Variants in ATP9B observed in about 807,000 individuals in gnomAD.
ATP9B encodes the protein probable phospholipid-transporting ATPase IIB.
ATP9B carries 110 observed loss-of-function variants against 146.1 expected under a neutral mutation model. The observed-to-expected ratio is 0.75, with a 90% CI of 0.65 to 0.88. The LOEUF (loss-of-function observed/expected upper bound fraction) is 0.88. Among genes scored for constraint, ATP9B ranks in the 40% least tolerant of loss-of-function variants. The pLI is 0.00. For missense variants in ATP9B, 1,499 were observed against 1,496.4 expected, an observed-to-expected ratio of 1.00 and a Z score of -0.03; for synonymous variants, 604 against 569.7, an observed-to-expected ratio of 1.06 and a Z score of -0.86.
intron 11 of ATP9B, among the ~76,000 whole-genome samples, chr18:79,215,792 C>T (rs1446384533): frequency 1.3e-5 from 2 of 152,036 alleles, no homozygotes; most frequent in African/African-American, 4.8e-5. Context: ...TGGGTTCAAG[C>T]GATTCTCCTG....
intron 15 of ATP9B, among the ~76,000 whole-genome samples, chr18:79,308,342 G>A (rs1371304421): frequency 2.0e-5 from 3 of 152,094 alleles, no homozygotes; most frequent in Admixed American, 6.6e-5. Context: ...ACAAAGACCC[G>A]TATGTTAATG....
intron 15 of ATP9B, among the ~76,000 whole-genome samples, chr18:79,322,861 A>G (rs1345210954): frequency 6.6e-6 from 1 of 152,230 alleles, no homozygotes; most frequent in Non-Finnish European, 1.5e-5. Context: ...AAAGTTAAAT[A>G]TGGTACTTCA....
chr18:79,120,418 G>T (rs2094168186), intron 4 of ATP9B, among the ~76,000 whole-genome samples: 1 of 152,112 alleles, frequency 6.6e-6, no homozygotes, highest in South Asian at 2.1e-4. Flanking sequence ...AGATGTTTTT[G>T]AAAACAATGA....
chr18:79,377,247 A>C lies in ATP9B; in HGVS notation c.3308A>C (p.Asp1103Ala). 2 of 1,611,420 alleles carry C rather than the reference A, an allele frequency of 1.2e-6. No individual in the cohort carries two copies. The highest frequency in any genetic ancestry group is 1.7e-6 in the Non-Finnish European group (2 of 1,179,946). Reference sequence around the variant, plus strand: ...CTTTTTCTCTGTTTCCTGCCAACAGATGTTGCCTTTATCACCACCGTGACC... The same window carrying C: ...CTTTTTCTCTGTTTCCTGCCAACAGCTGTTGCCTTTATCACCACCGTGACC... ...IGRVSFGAFL[D>A]VAFITTVTFL... is the part of the protein sequence containing the mutation. Residue 1103 changes from aspartate (D) to alanine (A), a missense_variant and splice_region_variant, in exon 30 of 30, where the codon GAT (aspartate) becomes GCT (alanine). Transcript: ENST00000426216.
intron 13 of ATP9B, among the ~76,000 whole-genome samples, chr18:79,284,239 G>A (rs902851515): frequency 7.9e-5 from 12 of 152,212 alleles, no homozygotes; most frequent in African/African-American, 2.7e-4. Context: ...AGTCTCTTAT[G>A]CATGATGCTA....
intron 8 of ATP9B, among the ~76,000 whole-genome samples, chr18:79,179,399 A>T (rs2095222654): frequency 6.6e-6 from 1 of 152,240 alleles, no homozygotes; most frequent in African/African-American, 2.4e-5. Context: ...TTCTATTTAT[A>T]AACTTTCAGA....
rs796377744 is a variant in ATP9B at position 79,207,141 on chromosome 18, C to G, written c.1030+129C>G. 4.9e-6 allele frequency: 4 copies of G among 818,884 alleles called. No individual in the cohort carries two copies. The African/African-American group carries it at 5.1e-5, about 10-fold the overall frequency. 50.7% of individuals were successfully genotyped at this position (818,884 alleles called of 1,614,324 possible). A position where few individuals can be genotyped will look rare whatever the true frequency, so the allele number is the denominator to read the frequency against. On this transcript the variant is annotated intron_variant, in intron 10 of 29. Transcript: ENST00000426216. The stretch of plus-strand genomic sequence containing the variant: ...TTAGGGACCTTGCTAAACGCAGACT[C>G]CAGCTCAGTGGGTCTGAGACAGTCC...
At chr18:79,125,664 A>G (rs182534620) in intron 4 of ATP9B, among the ~76,000 whole-genome samples, 98 of 152,334 alleles carry the variant, frequency 6.4e-4, no homozygotes, top group African/African-American at 2.3e-3. Context: ...TTAGTGGTAT[A>G]ATGGGCTTCA....
rs547298905 is a variant in ATP9B, at chr18:79,267,041, A to G, written c.1269-10013A>G. On this transcript the variant is annotated intron_variant, in intron 12 of 29. Coordinates refer to ENST00000426216, the MANE Select transcript of ATP9B (RefSeq NM_198531.5). The stretch of plus-strand genomic sequence containing the variant: ...AATTGTTTATTTCCTGAACATTTAC[A>G]TAAGAAGAAGGCCATGTGAGCCTCA... Among the ~76,000 whole-genome samples, 11 of 152,198 alleles carry G rather than the reference A, an allele frequency of 7.2e-5. No individual in the cohort carries two copies. In the South Asian group the frequency reaches 1.9e-3, roughly 26 times the overall value.
intron 5 of ATP9B, among the ~76,000 whole-genome samples, chr18:79,135,623 C>T (rs143967278): frequency 6.6e-6 from 1 of 152,302 alleles, no homozygotes; most frequent in African/African-American, 2.4e-5. Flanking sequence ...TTCTACCATT[C>T]CTAGCCCCTT....
chr18:79,176,746 C>A, intron 7 of ATP9B, 67 bp from the exon 8 acceptor site: 2 of 1,312,336 alleles, frequency 1.5e-6, no homozygotes, highest in Non-Finnish European at 2.2e-6. Context: ...TTTGATGGCA[C>A]CTGTAGCTCA....
At chr18:79,310,055 T>C (rs960735846) in intron 15 of ATP9B, among the ~76,000 whole-genome samples, 1 of 152,220 alleles carries the variant, frequency 6.6e-6, no homozygotes, top group African/African-American at 2.4e-5. Flanking sequence ...CCACTGTTGC[T>C]GATCAGCATG....
At chr18:79,346,065 C>T (rs925674875) in intron 23 of ATP9B, among the ~76,000 whole-genome samples, 3 of 149,458 alleles carry the variant, frequency 2.0e-5, no homozygotes, top group African/African-American at 7.4e-5. Flanking sequence ...GGTCGGCGCA[C>T]GTCAGCACAT....
chr18:79,117,179 C>G (rs1220642716), intron 4 of ATP9B: 1 of 152,014 alleles, frequency 6.6e-6, no homozygotes, highest in Non-Finnish European at 1.5e-5. Flanking sequence ...AGAAGGAAAT[C>G]CACAGTTCTT....
At chr18:79,374,122 T>C in intron 28 of ATP9B, 21 bp downstream of exon 28, 1 of 1,610,312 alleles carries the variant, frequency 6.2e-7, no homozygotes, top group Non-Finnish European at 8.5e-7. Flanking sequence ...TTGGAATTGT[T>C]TTTTGAATCG....
intron 5 of ATP9B, among the ~76,000 whole-genome samples, chr18:79,141,823 T>G (rs28711071): frequency 0.17 from 26,594 of 152,156 alleles, 2,825 homozygotes; most frequent in African/African-American, 0.3. Context: ...ATCAAATATT[T>G]AATGTAAGTG....
chr18:79,077,322 T>C (rs994478620), intron 1 of ATP9B, among the ~76,000 whole-genome samples: 3 of 152,152 alleles, frequency 2.0e-5, no homozygotes, highest in South Asian at 2.1e-4. Context: ...CCAGATTCCC[T>C]TCACAGCCCC....
In ATP9B at chr18:79,329,306, A is replaced by G. The variant is rs1450290986; in HGVS notation, c.1935+4A>G. Reference sequence around the variant, plus strand: ...GCGGATGGGCGTCATCGTCAGGGTGAGGCTGCGGGGAGGGTGCCACGCGAT... The same window carrying G: ...GCGGATGGGCGTCATCGTCAGGGTGGGGCTGCGGGGAGGGTGCCACGCGAT... On this transcript the variant is annotated splice_donor_region_variant and intron_variant, in intron 16 of 29. Transcript: ENST00000426216. 28 of 1,593,566 alleles carry G rather than the reference A, an allele frequency of 1.8e-5. No individual in the cohort carries two copies. The highest frequency in any genetic ancestry group is 2.4e-5 in the Non-Finnish European group (28 of 1,169,082).
intron 5 of ATP9B, among the ~76,000 whole-genome samples, chr18:79,141,527 A>T (rs34002158): frequency 0.061 from 9,255 of 152,314 alleles, 363 homozygotes; most frequent in Non-Finnish European, 0.092. Context: ...ATTAGATTTA[A>T]ATACTAGCAT....
Sources: gnomAD v4.1 joint callset for allele counts (sites outside exome capture counted in the v4.1 genomes callset) on GRCh38, gnomAD v4.1.1 for gene constraint, MANE v1.5 for transcripts, NCBI Gene and HGNC (gene_info 2026-07-23, HGNC 2026-07-21) for gene names.